Variants in FRMD3 observed in about 807,000 individuals in gnomAD.
The protein encoded by FRMD3 is FERM domain-containing protein 3.
A neutral mutation model predicts 70.2 loss-of-function variants in FRMD3; 33 were observed. That is an observed-to-expected ratio of 0.47 (90% CI 0.36 to 0.63). The LOEUF (loss-of-function observed/expected upper bound fraction) is 0.63. Among genes scored for constraint, FRMD3 ranks in the 20% least tolerant of loss-of-function variants. The probability of loss-of-function intolerance (pLI) is 0.00; values close to 1 mark genes in which losing one functional copy is unlikely to be tolerated. For missense variants in FRMD3, 632 were observed against 711.4 expected, an observed-to-expected ratio of 0.89 and a Z score of 1.27; for synonymous variants, 279 against 255.9, an observed-to-expected ratio of 1.09 and a Z score of -0.86.
intron 1 of FRMD3, among the ~76,000 whole-genome samples, chr9:83,527,699 A>C (rs1829714242): frequency 6.6e-6 from 1 of 152,104 alleles, no homozygotes; most frequent in Non-Finnish European, 1.5e-5. Flanking sequence ...AATCCACAGA[A>C]ACATCCAACC....
chr9:83,516,914 T>C (rs977264702), intron 1 of FRMD3, among the ~76,000 whole-genome samples: 1 of 152,078 alleles, frequency 6.6e-6, no homozygotes, highest in Admixed American at 6.5e-5. Flanking sequence ...AATAAGTTAT[T>C]TGAAACCAAT....
At chr9:83,388,211 C>T (rs190439088) in intron 2 of FRMD3, among the ~76,000 whole-genome samples, 8 of 152,266 alleles carry the variant, frequency 5.3e-5, no homozygotes, top group Non-Finnish European at 1.2e-4. Flanking sequence ...CTAATCTATT[C>T]CTTAAATATC....
the FRMD3 span, among the ~76,000 whole-genome samples, chr9:83,582,930 G>A: frequency 6.6e-6 from 1 of 152,258 alleles, no homozygotes; most frequent in South Asian, 2.1e-4. Context: ...TGCAATTTGG[G>A]ATCGATAAGC....
intron 1 of FRMD3, among the ~76,000 whole-genome samples, chr9:83,523,796 A>G (rs969210183): frequency 4.6e-5 from 7 of 152,194 alleles, no homozygotes; most frequent in Non-Finnish European, 7.3e-5. Context: ...TCAGCACTGA[A>G]CCAAGAAAGT....
At chr9:83,465,603 G>C (rs1828105679) in intron 1 of FRMD3, among the ~76,000 whole-genome samples, 1 of 151,770 alleles carries the variant, frequency 6.6e-6, no homozygotes, top group Non-Finnish European at 1.5e-5. Flanking sequence ...TTCTCTATAT[G>C]CCTGAATTTC....
intron 1 of FRMD3, among the ~76,000 whole-genome samples, chr9:83,484,907 C>A (rs1467097970): frequency 6.6e-6 from 1 of 152,190 alleles, no homozygotes; most frequent in Non-Finnish European, 1.5e-5. Flanking sequence ...GAGAGACACA[C>A]AGTGTGATAG....
In FRMD3 at chr9:83,248,515, A is replaced by C; in HGVS notation, c.1197T>G (p.Gly399=). Residue 399 remains glycine (G), a splice_region_variant and synonymous_variant, in exon 14 of 14, where the codon GGT becomes GGG. Transcript: ENST00000304195. The part of the protein sequence containing the change: ...EQEEELPLGE[G]VPLPKEENIS... Reference sequence around the variant, plus strand: ...TGTTCTCCTCTTTAGGCAATGGAACACCTGTAAAGAGACATTTTTTTTTCT... The same window carrying C: ...TGTTCTCCTCTTTAGGCAATGGAACCCCTGTAAAGAGACATTTTTTTTTCT... 6.5e-7 allele frequency: 1 copy of C among 1,544,040 alleles called. No individual in the cohort carries two copies. Among genetic ancestry groups the C allele is most frequent in the Non-Finnish European group, 8.7e-7 (1 of 1,149,558 alleles).
At chr9:83,434,310 AG>A (rs1827067911) in intron 1 of FRMD3, among the ~76,000 whole-genome samples, 1 of 152,216 alleles carries the variant, frequency 6.6e-6, no homozygotes, top group Non-Finnish European at 1.5e-5. Context: ...CTGTTCTGCA[AG>A]GCAGTGGAGT....
chr9:83,407,765 C>CA (rs1017482822), intron 1 of FRMD3, among the ~76,000 whole-genome samples: 10 of 151,222 alleles, frequency 6.6e-5, no homozygotes, highest in Non-Finnish European at 1.5e-5. Context: ...GATGTGGAAG[C>CA]AACTGAAGAT....
chr9:83,310,410 T>C, intron 9 of FRMD3, 75 bp downstream of exon 9: 1 of 1,157,592 alleles, frequency 8.6e-7, no homozygotes. Context: ...ACTACAATAC[T>C]AAAGGCATAT....
chr9:83,378,505 TATATATA>T (rs1825226637), intron 2 of FRMD3, among the ~76,000 whole-genome samples: 1 of 80,324 alleles, frequency 1.2e-5, no homozygotes, highest in East Asian at 3.4e-4. Flanking sequence ...ATAAAATTTA[TATATATA>T]ATATACATAT....
At chr9:83,486,820 A>G (rs1178594270) in intron 1 of FRMD3, among the ~76,000 whole-genome samples, 1 of 152,220 alleles carries the variant, frequency 6.6e-6, no homozygotes, top group Non-Finnish European at 1.5e-5. Context: ...TAATGTTTCA[A>G]TTCAAATGTG....
intron 5 of FRMD3, among the ~76,000 whole-genome samples, chr9:83,340,273 C>G (rs1282711721): frequency 3.9e-5 from 6 of 152,192 alleles, no homozygotes; most frequent in Non-Finnish European, 8.8e-5. Flanking sequence ...TAGTGGAGAA[C>G]CTGCTGTGTG....
At chr9:83,503,450 G>A (rs1386821372) in intron 1 of FRMD3, among the ~76,000 whole-genome samples, 2 of 152,166 alleles carry the variant, frequency 1.3e-5, no homozygotes, top group Non-Finnish European at 2.9e-5. Context: ...TTCTACAACT[G>A]CAAAGAACTG....
At chr9:83,488,165 T>G (rs1323184703) in intron 1 of FRMD3, among the ~76,000 whole-genome samples, 2 of 152,240 alleles carry the variant, frequency 1.3e-5, no homozygotes, top group Non-Finnish European at 2.9e-5. Flanking sequence ...AATGCTTGTC[T>G]GCAATCCTAT....
chr9:83,286,287 C>T (rs925323388), intron 13 of FRMD3, among the ~76,000 whole-genome samples: 9 of 152,042 alleles, frequency 5.9e-5, no homozygotes, highest in East Asian at 3.9e-4. Context: ...TAAGTTAAGA[C>T]TTTCTTCTCC....
At chr9:83,284,954 A>G (rs1408775287) in intron 13 of FRMD3, among the ~76,000 whole-genome samples, 3 of 152,108 alleles carry the variant, frequency 2.0e-5, no homozygotes, top group African/African-American at 4.8e-5. Context: ...ACATATGCAT[A>G]GACAATGCAG....
At chr9:83,400,786 T>C (rs187167526) in intron 1 of FRMD3, among the ~76,000 whole-genome samples, 1 of 152,338 alleles carries the variant, frequency 6.6e-6, no homozygotes, top group African/African-American at 2.4e-5. Context: ...AATATATATT[T>C]TTAAGTTATC....
At chr9:83,366,116 T>A (rs116411023) in intron 3 of FRMD3, among the ~76,000 whole-genome samples, 2,324 of 152,174 alleles carry the variant, frequency 0.015, 71 homozygotes, top group African/African-American at 0.054. Flanking sequence ...GAGACAGTAC[T>A]TAAGTTTCTC....
Sources: allele counts gnomAD v4.1 joint callset (sites outside exome capture counted in the v4.1 genomes callset), GRCh38; gene constraint gnomAD v4.1.1; transcripts MANE v1.5; gene names NCBI Gene and HGNC (gene_info 2026-07-23, HGNC 2026-07-21).